Variants in LUC7L observed in about 807,000 individuals in gnomAD.
LUC7L encodes putative RNA-binding protein Luc7-like 1.
Under a neutral mutation model 51.1 loss-of-function variants are expected in LUC7L, and 29 were observed. The observed-to-expected ratio is 0.57, with a 90% CI of 0.42 to 0.77. The LOEUF (loss-of-function observed/expected upper bound fraction) is 0.77, where lower values mean the gene tolerates loss of function less well. LUC7L is among the 30% of genes least tolerant of loss of function. The pLI is 0.00. For synonymous variants in LUC7L, 181 were observed against 180.7 expected (o/e 1.00, Z -0.01); for missense variants, 403 against 511.9 (o/e 0.79, Z 2.05).
intron 1 of LUC7L, chr16:228,158 A>C: frequency 8.2e-7 from 1 of 1,226,346 alleles, no homozygotes; most frequent in Non-Finnish European, 1.0e-6. Flanking sequence ...TGTATACAAC[A>C]CAGAGCTGTG....
At position 190,127 on chromosome 16, in the gene LUC7L, G is replaced by A; in HGVS notation, c.815C>T (p.Ser272Phe). Residue 272 changes from serine (S) to phenylalanine (F), a missense_variant, in exon 9 of 10, where the codon TCC (serine) becomes TTC (phenylalanine). Around this residue, in one of 3 missense-constraint regions of LUC7L, gnomAD observed 206 missense variants for 218.3 expected, o/e 0.94. Coordinates refer to ENST00000293872, the MANE Select transcript of LUC7L (RefSeq NM_201412.3). ...TGACCGCCTCCGACGCCGATCCCGG[G>A]AGCGTGACCTGAACAATCAGAAGGC... ...SRTRDRRRSR[S>F]RDRRRRRSRS... The A allele has an allele frequency of 6.2e-7, 1 of 1,610,416 alleles. No homozygotes were observed. The highest frequency in any genetic ancestry group is 8.5e-7 in the Non-Finnish European group (1 of 1,179,708).
intron 3 of LUC7L, among the ~76,000 whole-genome samples, chr16:210,962 A>G (rs768765459): frequency 2.7e-5 from 4 of 150,668 alleles, no homozygotes; most frequent in Non-Finnish European, 5.9e-5. Context: ...GAGGCAGGAC[A>G]ATGGCATGAA....
chr16:189,334 G>A lies in LUC7L; in HGVS notation c.980C>T (p.Ser327Phe). 1.9e-6 allele frequency: 3 copies of A among 1,607,936 alleles called. No homozygotes were observed. The highest frequency in any genetic ancestry group is 1.7e-6 in the Non-Finnish European group (2 of 1,177,446). Residue 327 changes from serine (S) to phenylalanine (F), a missense_variant, in exon 10 of 10, where the codon TCC becomes TTC. Transcript: ENST00000293872. ...SRDRSAKYKFSRERASREESW... is the reference protein window; with the variant it reads ...SRDRSAKYKFFRERASREESW... ...CTCCTCTCTGGATGCCCGCTCTCTG[G>A]AGAACCTGGGAAATGGGAACCAGAG...
chr16:191,071 A>G (rs2048998138), intron 7 of LUC7L, among the ~76,000 whole-genome samples: 1 of 152,062 alleles, frequency 6.6e-6, no homozygotes, highest in South Asian at 2.1e-4. Flanking sequence ...TGGCACACTC[A>G]GTGTCACCTG....
intron 1 of LUC7L, chr16:227,732 T>C: frequency 9.8e-7 from 1 of 1,015,640 alleles, no homozygotes; most frequent in South Asian, 4.0e-5. Context: ...CAAAAGCTAC[T>C]TATTAATCTA....
chr16:228,644 C>T (rs1201373132), intron 1 of LUC7L: 1 of 1,182,674 alleles, frequency 8.5e-7, no homozygotes, highest in East Asian at 5.9e-5. Flanking sequence ...GATGCAACCG[C>T]TTTCTCCTGT....
At chr16:198,909 A>G (rs1191806730) in intron 6 of LUC7L, among the ~76,000 whole-genome samples, 153 bp downstream of exon 6, 2 of 151,984 alleles carry the variant, frequency 1.3e-5, no homozygotes, top group Non-Finnish European at 2.9e-5. Context: ...CGAACTCCTG[A>G]CCTCAGGTGA....
At chr16:223,927 C>T (rs2050048920) in intron 2 of LUC7L, among the ~76,000 whole-genome samples, 1 of 152,084 alleles carries the variant, frequency 6.6e-6, no homozygotes. Flanking sequence ...CCGCCTCCTC[C>T]TCCTCCTCCC....
At chr16:198,043 C>T (rs915316814) in intron 6 of LUC7L, among the ~76,000 whole-genome samples, 9 of 151,794 alleles carry the variant, frequency 5.9e-5, no homozygotes, top group Non-Finnish European at 5.9e-5. Flanking sequence ...CTGAGGCGGG[C>T]GGATCGCGAG....
intron 2 of LUC7L, among the ~76,000 whole-genome samples, chr16:225,289 T>C (rs2050098372): frequency 1.3e-5 from 2 of 151,760 alleles, no homozygotes; most frequent in Non-Finnish European, 2.9e-5. Flanking sequence ...AGCTCCAGAC[T>C]AGCCTGGTCA....
rs755192001 is a variant in LUC7L, at chr16:189,271, T to G, written c.1043A>C (p.Asp348Ala). The G allele has an allele frequency of 3.4e-5, 55 of 1,613,760 alleles. No individual in the cohort carries two copies. Among genetic ancestry groups the G allele is most frequent in the Middle Eastern group, 1.6e-4 (1 of 6,084 alleles). Residue 348 changes from aspartate (D) to alanine (A), a missense_variant, in exon 10 of 10, where the codon GAC (aspartate) becomes GCC (alanine). This residue lies in a region of LUC7L where 206 missense variants were observed against 218.3 expected (regional missense o/e 0.94). Transcript: ENST00000293872. ...ESGRSERGPP[D>A]WRLESSNGKM... ...CCCGTTGGAGCTCTCAAGCCTCCAG[T>G]CCGGGGGCCCTCGCTCGCTCCGCCC... is the stretch of plus-strand genomic sequence containing the variant.
At position 189,233 on chromosome 16, in the gene LUC7L, G is replaced by C; in HGVS notation, c.1081C>G (p.Arg361Gly). ...CCGGCCTCCTTCTCTTCTGACCTCC[G>C]TGAAGCCATCTTCCCGTTGGAGCTC... ...LESSNGKMAS[R>G]RSEEKEAGEI Residue 361 changes from arginine (R) to glycine (G), a missense_variant, in exon 10 of 10, where the codon CGG becomes GGG. Physicochemically the swap from Arg to Gly is moderately radical, Grantham distance 125. This residue lies in a region of LUC7L where 206 missense variants were observed against 218.3 expected (regional missense o/e 0.94). Coordinates refer to ENST00000293872, the MANE Select transcript of LUC7L (RefSeq NM_201412.3). 6.2e-7 allele frequency: 1 copy of C among 1,613,954 alleles called. No individual in the cohort carries two copies. The highest frequency in any genetic ancestry group is 1.3e-5 in the African/African-American group (1 of 75,050).
intron 3 of LUC7L, among the ~76,000 whole-genome samples, chr16:212,298 A>C (rs1368243567): frequency 6.6e-6 from 1 of 151,940 alleles, no homozygotes; most frequent in Admixed American, 6.6e-5. Context: ...CATCTCAAAA[A>C]ACACAGCCGC....
chr16:223,393 C>A (rs1339396570), intron 2 of LUC7L, among the ~76,000 whole-genome samples: 1 of 151,930 alleles, frequency 6.6e-6, no homozygotes, highest in African/African-American at 2.4e-5. Context: ...AAAGAAAGCA[C>A]GTGGCATACT....
At chr16:223,579 A>G (rs1163694538) in intron 2 of LUC7L, among the ~76,000 whole-genome samples, 1 of 152,182 alleles carries the variant, frequency 6.6e-6, no homozygotes, top group African/African-American at 2.4e-5. Flanking sequence ...TAGAAGACTT[A>G]GAGATAGGAC....
chr16:193,264 G>A (rs901295767), intron 6 of LUC7L, among the ~76,000 whole-genome samples: 12 of 150,220 alleles, frequency 8.0e-5, no homozygotes, highest in African/African-American at 2.5e-4. Flanking sequence ...CTTCTGCCTC[G>A]GCCTCCCAAG....
chr16:224,041 T>C (rs185641045), intron 2 of LUC7L, among the ~76,000 whole-genome samples: 5 of 152,148 alleles, frequency 3.3e-5, no homozygotes, highest in Admixed American at 2.6e-4. Context: ...AAACTAAGCA[T>C]TGTAGCTGAA....
At chr16:198,278 CAAAAAAAAAAAAAA>C (rs35125597) in intron 6 of LUC7L, among the ~76,000 whole-genome samples, 5 of 49,254 alleles carry the variant, frequency 1.0e-4, no homozygotes, top group South Asian at 1.4e-3. Context: ...GACTCCATCT[CAAAAAAAAAAAAAA>C]AAAAAAAAAA....
chr16:208,746 A>G (rs1485690454), intron 3 of LUC7L: 1 of 517,914 alleles, frequency 1.9e-6, no homozygotes, highest in African/African-American at 2.1e-5. Flanking sequence ...AGTAGCAGGA[A>G]AAATTGGTTG....
Sources: allele counts gnomAD v4.1 joint callset (sites outside exome capture counted in the v4.1 genomes callset), GRCh38; gene constraint gnomAD v4.1.1; regional missense constraint gnomAD v4.1.1; transcripts MANE v1.5; gene names NCBI Gene and HGNC (gene_info 2026-07-23, HGNC 2026-07-21).